The following A2M variants were observed in gnomAD, a reference collection of about 807,000 sequenced individuals.
The protein encoded by A2M is alpha-2-macroglobulin.
A neutral mutation model predicts 183.9 loss-of-function variants in A2M; 128 were observed. The observed-to-expected ratio is 0.70, with a 90% CI of 0.60 to 0.81. The LOEUF is 0.81. A2M is among the 30% of genes least tolerant of loss of function. A2M has a pLI of 0.00. For missense variants in A2M, 1,495 were observed against 1,787.6 expected (o/e 0.84, Z 2.95); for synonymous variants, 592 against 670.8 (o/e 0.88, Z 1.81).
chr12:9,091,553 GGA>G, intron 18 of A2M, 124 bp from the exon 19 acceptor site: 2 of 962,148 alleles, frequency 2.1e-6, no homozygotes, highest in Non-Finnish European at 3.1e-6. Flanking sequence ...TACCAATAAT[GGA>G]GAGTATAATC....
Position 9,113,370 on chromosome 12 carries a change from A to T in A2M, c.260T>A (p.Val87Asp), listed in dbSNP as rs776923281. The change falls in exon 2 of 36, where the codon GTC becomes GAC. Residue 87 changes from valine (V) to aspartate (D), a missense_variant. Physicochemically the swap from Val to Asp is radical, Grantham distance 152. Coordinates refer to ENST00000318602, the MANE Select transcript of A2M (RefSeq NM_000014.6). Reference sequence around the variant, plus strand: ...AACAGCCACACTCACAGCGAAGGCGACACAGTGGAGTACGTCATTCTCCGC... The same window carrying T: ...AACAGCCACACTCACAGCGAAGGCGTCACAGTGGAGTACGTCATTCTCCGC... Reference protein sequence around the residue: ...LEAENDVLHCVAFAVPKSSSN... With the variant: ...LEAENDVLHCDAFAVPKSSSN... 24 of 1,613,478 alleles carry T rather than the reference A, an allele frequency of 1.5e-5. No individual in the cohort carries two copies. The highest frequency in any genetic ancestry group is 2.0e-5 in the Non-Finnish European group (24 of 1,179,870).
Position 9,077,418 on chromosome 12 carries a change from T to C in A2M, c.3279A>G (p.Gly1093=). The change falls in exon 27 of 36, where the codon GGA becomes GGG. Residue 1093 remains glycine (G), a splice_region_variant and synonymous_variant. Transcript: ENST00000318602. ...SGSLLNNAIK[G]GVEDEVTLSA... is the part of the protein sequence containing the mutation. ...AGAGGGTCACTTCATCTTCTACTCCTCCCTGTGAATACGAGAGAGAGATCT... is the reference window on the plus strand; with the variant it reads ...AGAGGGTCACTTCATCTTCTACTCCCCCCTGTGAATACGAGAGAGAGATCT... The C allele has an allele frequency of 6.2e-7, 1 of 1,612,330 alleles. No homozygotes were observed. The highest frequency in any genetic ancestry group is 8.5e-7 in the Non-Finnish European group (1 of 1,178,958).
intron 1 of A2M, among the ~76,000 whole-genome samples, chr12:9,114,634 A>C (rs986714780): frequency 2.0e-4 from 30 of 152,150 alleles, no homozygotes; most frequent in Middle Eastern, 3.4e-3. Context: ...TATTTCAAAA[A>C]ATGTTGTGAA....
At chr12:9,090,639 A>T in intron 19 of A2M, 157 bp from the exon 20 acceptor site, 2 of 707,362 alleles carry the variant, frequency 2.8e-6, no homozygotes, top group Non-Finnish European at 4.5e-6. Context: ...ATTTAAGTGG[A>T]TCTTAATGTA....
intron 18 of A2M, among the ~76,000 whole-genome samples, chr12:9,091,643 T>C (rs1365328995): frequency 6.6e-6 from 1 of 152,212 alleles, no homozygotes; most frequent in Non-Finnish European, 1.5e-5. Flanking sequence ...AGCATAATCT[T>C]TTACAGACAA....
In A2M at chr12:9,114,713, A is replaced by G. The variant is rs1040789271; in HGVS notation, c.86+1051T>C. ...TGTATACTTATGTTCACATATATAC[A>G]TATATGAATACATATACATAAATAC... is the stretch of plus-strand genomic sequence containing the variant. On this transcript the variant is annotated intron_variant, in intron 1 of 35. Coordinates refer to ENST00000318602, the MANE Select transcript of A2M (RefSeq NM_000014.6). 4.7e-5 allele frequency among the ~76,000 whole-genome samples: 6 copies of G among 127,768 alleles called. No homozygotes were observed. The East Asian group carries it at 9.7e-4, about 21-fold the overall frequency. The allele number at this position is 127,768 out of a possible 152,430, so 83.8% of individuals were successfully genotyped here.
In A2M at chr12:9,072,582, G is replaced by C. The variant is rs1948610097; in HGVS notation, c.3975+71C>G. On this transcript the variant is annotated intron_variant, in intron 30 of 35. Transcript: ENST00000318602. ...TCTCTGATCTGTCCCATTGTTTTCT[G>C]AGTTAGGACTTCTCAGAGAGAACAG... 1.9e-6 allele frequency: 3 copies of C among 1,599,764 alleles called. No individual in the cohort carries two copies. The South Asian group carries it at 3.3e-5, about 18-fold the overall frequency.
rs368014203 is a variant in A2M, at chr12:9,067,849, T to C, written c.4409-10A>G. On this transcript the variant is annotated splice_polypyrimidine_tract_variant and intron_variant, in intron 35 of 35. Coordinates refer to ENST00000318602, the MANE Select transcript of A2M (RefSeq NM_000014.6). Reference sequence around the variant, plus strand: ...CAAGCATTTCCAAGATCTGTGACATTGGAAAGAAAAAAAATTAAGACAGAT... The same window carrying C: ...CAAGCATTTCCAAGATCTGTGACATCGGAAAGAAAAAAAATTAAGACAGAT... The C allele has an allele frequency of 8.3e-5, 134 of 1,611,496 alleles. No individual in the cohort carries two copies. In the Middle Eastern group the frequency reaches 9.9e-4, roughly 12 times the overall value.
chr12:9,073,725 A>G (rs1948649932), intron 29 of A2M, among the ~76,000 whole-genome samples: 2 of 152,188 alleles, frequency 1.3e-5, no homozygotes, highest in South Asian at 4.1e-4. Flanking sequence ...TTATATAGCT[A>G]GATTTAGGAG....
chr12:9,107,447 C>A, intron 8 of A2M, 77 bp downstream of exon 8: 2 of 1,549,104 alleles, frequency 1.3e-6, no homozygotes, highest in South Asian at 1.2e-5. Flanking sequence ...CTTCCTGCGT[C>A]AGAAAAATGC....
chr12:9,098,482 T>G, intron 15 of A2M, 125 bp downstream of exon 15: 1 of 1,061,056 alleles, frequency 9.4e-7, no homozygotes, highest in Non-Finnish European at 1.3e-6. Context: ...ACAAGAGAGC[T>G]CAAAGCAATT....
intron 22 of A2M, among the ~76,000 whole-genome samples, chr12:9,081,362 G>A (rs1246790039): frequency 2.0e-5 from 3 of 152,108 alleles, no homozygotes; most frequent in Non-Finnish European, 2.9e-5. Flanking sequence ...CTATGGAAAT[G>A]TATCCTGGTG....
intron 31 of A2M, among the ~76,000 whole-genome samples, chr12:9,071,981 G>T (rs779699188): frequency 6.6e-6 from 1 of 152,094 alleles, no homozygotes; most frequent in Admixed American, 6.5e-5. Context: ...ATTGCCAGTA[G>T]GAATTCTAAC....
chr12:9,083,302 A>G (rs776547003), intron 22 of A2M, among the ~76,000 whole-genome samples: 96 of 152,172 alleles, frequency 6.3e-4, no homozygotes, highest in African/African-American at 2.3e-3. Flanking sequence ...TGACGAGTTA[A>G]TGGGTGCAGC....
chr12:9,079,451 A>T, intron 24 of A2M, 120 bp from the exon 25 acceptor site: 2 of 1,196,118 alleles, frequency 1.7e-6, no homozygotes, highest in Non-Finnish European at 2.4e-6. Flanking sequence ...GTCATAGATT[A>T]GGAGTTTCTG....
At chr12:9,101,103 T>C in intron 13 of A2M, 41 bp downstream of exon 13, 1 of 1,540,584 alleles carries the variant, frequency 6.5e-7, no homozygotes, top group Non-Finnish European at 8.8e-7. Flanking sequence ...GCTGAATGGG[T>C]CAGAATGGGG....
chr12:9,089,414 T>G (rs1356235362), intron 21 of A2M, among the ~76,000 whole-genome samples, 163 bp from the exon 22 acceptor site: 1 of 152,182 alleles, frequency 6.6e-6, no homozygotes, highest in African/African-American at 2.4e-5. Flanking sequence ...GGTAGTTCGA[T>G]GCATGAACAA....
chr12:9,068,080 G>C (rs1948448609), intron 35 of A2M, 103 bp downstream of exon 35: 1 of 1,323,470 alleles, frequency 7.6e-7, no homozygotes, highest in East Asian at 2.3e-5. Context: ...TGAGTAATTT[G>C]ATGTTTTTGA....
At chr12:9,076,206 A>G (rs1397922304) in intron 28 of A2M, among the ~76,000 whole-genome samples, 1 of 152,230 alleles carries the variant, frequency 6.6e-6, no homozygotes, top group Non-Finnish European at 1.5e-5. Flanking sequence ...GGTTGGGCAT[A>G]TATTGAGAAC....
Sources: gnomAD v4.1 joint callset for allele counts (sites outside exome capture counted in the v4.1 genomes callset) on GRCh38, gnomAD v4.1.1 for gene constraint, MANE v1.5 for transcripts, NCBI Gene and HGNC (gene_info 2026-07-23, HGNC 2026-07-21) for gene names.